The following GFPT2 variants were observed in gnomAD, a reference collection of about 807,000 sequenced individuals.
The protein encoded by GFPT2 is glutamine--fructose-6-phosphate transaminase 2.
A neutral mutation model predicts 85.6 loss-of-function variants in GFPT2; 62 were observed. That is an observed-to-expected ratio of 0.72 (90% confidence interval 0.59 to 0.90). The LOEUF (loss-of-function observed/expected upper bound fraction) is 0.90. Among genes scored for constraint, GFPT2 ranks in the 40% least tolerant of loss-of-function variants. The pLI is 0.00. For missense variants in GFPT2, 788 were observed against 893.4 expected (o/e 0.88, Z 1.50); for synonymous variants, 368 against 344.5 (o/e 1.07, Z -0.75).
rs1764252569 is a variant in GFPT2 at position 180,328,581 on chromosome 5, C to T, written c.535-243G>A. ...CCACGGTGAGCGATGTGCGGCTTGC[C>T]CAGGCCCACAGGGAGCCCGGCAGGG... On this transcript the variant is annotated intron_variant, in intron 6 of 18. Transcript: ENST00000253778. This position sits in a 1 kb window ranked among gnomAD's most constrained non-coding sequence, Gnocchi z 5.4. Among the ~76,000 whole-genome samples the T allele has an allele frequency of 6.6e-6, 1 of 152,228 alleles. No individual in the cohort carries two copies. The highest frequency in any genetic ancestry group is 1.5e-5 in the Non-Finnish European group (1 of 68,038).
At position 180,339,177 on chromosome 5, in the gene GFPT2, C is replaced by G. The variant is rs572979649; in HGVS notation, c.8-577G>C. Among the ~76,000 whole-genome samples, 5 of 152,146 alleles carry G rather than the reference C, an allele frequency of 3.3e-5. No individual in the cohort carries two copies. In the East Asian group the frequency reaches 9.7e-4, roughly 29 times the overall value. On this transcript the variant is annotated intron_variant, in intron 1 of 18. Coordinates refer to ENST00000253778, the MANE Select transcript of GFPT2 (RefSeq NM_005110.4). ...GGTGGATCACCTGAGGTCAGGAGTT[C>G]GAGACCAGCCTGGCCAACATGGTGA...
At chr5:180,332,452 C>G (rs1469857281) in intron 4 of GFPT2, among the ~76,000 whole-genome samples, 2 of 152,182 alleles carry the variant, frequency 1.3e-5, no homozygotes, top group African/African-American at 4.8e-5. Context: ...AATAATTCCA[C>G]CAGGAGGTGT....
chr5:180,348,805 G>A (rs1161879662), intron 1 of GFPT2, among the ~76,000 whole-genome samples: 1 of 150,500 alleles, frequency 6.6e-6, no homozygotes, highest in Non-Finnish European at 1.5e-5. Context: ...GTAGTGGCAC[G>A]ATCTCGGCTC....
intron 17 of GFPT2, among the ~76,000 whole-genome samples, chr5:180,303,192 T>C (rs995652937): frequency 3.7e-4 from 55 of 147,280 alleles, no homozygotes; most frequent in Middle Eastern, 3.6e-3. Flanking sequence ...ATGGCGCCAC[T>C]GCACTCCAGC....
chr5:180,338,952 A>T (rs1764456918), intron 1 of GFPT2, among the ~76,000 whole-genome samples: 1 of 152,098 alleles, frequency 6.6e-6, no homozygotes. Flanking sequence ...ACCTCCATGC[A>T]CTCCCTGATT....
In GFPT2 at chr5:180,353,258, T is replaced by C. The variant is rs536060057; in HGVS notation, c.-41A>G. ...GGCTCCTTCGCGGCTCGAGGGGGTC[T>C]GCCCGTTCGGACGCTGGGGCTCCTC... On this transcript the variant is annotated 5_prime_UTR_variant, in exon 1 of 19. Transcript: ENST00000253778. The C allele has an allele frequency of 2.4e-6, 3 of 1,239,736 alleles. No individual in the cohort carries two copies. The highest frequency in any genetic ancestry group is 3.0e-6 in the Non-Finnish European group (3 of 987,934). 76.8% of individuals were successfully genotyped at this position (1,239,736 alleles called of 1,614,324 possible). A position where few individuals can be genotyped will look rare whatever the true frequency, so the allele number is the denominator to read the frequency against.
chr5:180,349,407 T>C (rs1764668085), intron 1 of GFPT2, among the ~76,000 whole-genome samples: 1 of 152,238 alleles, frequency 6.6e-6, no homozygotes, highest in African/African-American at 2.4e-5. Flanking sequence ...AATCACTCTT[T>C]ATAAGCTAAT....
chr5:180,334,716 A>T (rs559031556), intron 4 of GFPT2, among the ~76,000 whole-genome samples: 3 of 152,140 alleles, frequency 2.0e-5, no homozygotes, highest in Non-Finnish European at 4.4e-5. Context: ...TGGGGGCTTC[A>T]GGGGCTCGTG....
rs751315325 is a variant in GFPT2 at position 180,317,105 on chromosome 5, T to A, written c.959-47A>T. 5 of 1,163,172 alleles carry A rather than the reference T, an allele frequency of 4.3e-6. No homozygotes were observed. In the South Asian group the frequency reaches 6.1e-5, roughly 14 times the overall value. 72.1% of individuals were successfully genotyped at this position (1,163,172 alleles called of 1,614,324 possible). Reference sequence around the variant, plus strand: ...CAGTTTTAATTTCATTATATTTCACTGCTTTTCATTATGCAGCAGCGATAG... The same window carrying A: ...CAGTTTTAATTTCATTATATTTCACAGCTTTTCATTATGCAGCAGCGATAG... On this transcript the variant is annotated intron_variant, in intron 10 of 18. Transcript: ENST00000253778.
At position 180,330,274 on chromosome 5, in the gene GFPT2, A is replaced by G. The variant is rs900554984; in HGVS notation, c.534+426T>C. 6.6e-6 allele frequency among the ~76,000 whole-genome samples: 1 copy of G among 152,148 alleles called. No homozygotes were observed. Among genetic ancestry groups the G allele is most frequent in the African/African-American group, 2.4e-5 (1 of 41,422 alleles). On this transcript the variant is annotated intron_variant, in intron 6 of 18. Transcript: ENST00000253778. This position sits in a 1 kb window ranked among gnomAD's most constrained non-coding sequence, Gnocchi z 4.4. ...GAGGTGGAGGTTGCAGTGAGCCAAG[A>G]TCACACCACTGCACTCCAGCCTGTG...
intron 1 of GFPT2, among the ~76,000 whole-genome samples, chr5:180,340,575 C>G (rs9686362): frequency 0.068 from 9,644 of 142,026 alleles, 452 homozygotes; most frequent in African/African-American, 0.13. Context: ...GCAGTGGTGC[C>G]ATCCTGGCTC....
rs544774866 is a variant in GFPT2 at position 180,328,710 on chromosome 5, G to A, written c.535-372C>T. ...CAGCACCTACTCAGCAAGCCCCTGT[G>A]AAGTGCACTTTAGCTCAACACACGG... On this transcript the variant is annotated intron_variant, in intron 6 of 18. Transcript: ENST00000253778. The surrounding 1 kb of genome is among the most constrained non-coding windows in gnomAD (Gnocchi z 5.4). 3.3e-5 allele frequency among the ~76,000 whole-genome samples: 5 copies of A among 152,334 alleles called. No individual in the cohort carries two copies. The East Asian group carries it at 9.6e-4, about 29-fold the overall frequency.
At chr5:180,337,226 G>A (rs1453939331) in intron 2 of GFPT2, among the ~76,000 whole-genome samples, 12 of 152,268 alleles carry the variant, frequency 7.9e-5, no homozygotes, top group African/African-American at 2.4e-4. Context: ...AGGCCAGGGC[G>A]GGTGGATCAC....
chr5:180,339,376 C>T (rs1764465250), intron 1 of GFPT2, among the ~76,000 whole-genome samples: 1 of 98,384 alleles, frequency 1.0e-5, no homozygotes, highest in East Asian at 3.1e-4. Context: ...TAGACTCTGT[C>T]TCAAAAAAAA....
chr5:180,353,231 CG>C lies in GFPT2; in HGVS notation c.-15del. 8.1e-7 allele frequency: 1 copy of C among 1,241,574 alleles called. No individual in the cohort carries two copies. 76.9% of individuals were successfully genotyped at this position (1,241,574 alleles called of 1,614,324 possible). On this transcript the variant is annotated 5_prime_UTR_variant, in exon 1 of 19. Transcript: ENST00000253778. ...CTCACCGCACATCGTGGCTGCTTCT[CG>C]GGCTCCTTCGCGGCTCGAGGGGGTC... is the stretch of plus-strand genomic sequence containing the variant.
rs573918614 is a variant in GFPT2 at position 180,333,352 on chromosome 5, C to A, written c.341-1799G>T. Among the ~76,000 whole-genome samples the A allele has an allele frequency of 3.3e-5, 5 of 152,138 alleles. No individual in the cohort carries two copies. In the South Asian group the frequency reaches 8.3e-4, roughly 25 times the overall value. On this transcript the variant is annotated intron_variant, in intron 4 of 18. Transcript: ENST00000253778. Reference sequence around the variant, plus strand: ...CAGGTTCACGCCATTCTCCTGCCTCCGCCTCCCGAGTAGCTGGGACCACAG... The same window carrying A: ...CAGGTTCACGCCATTCTCCTGCCTCAGCCTCCCGAGTAGCTGGGACCACAG...
Position 180,301,517 on chromosome 5 carries a change from T to C in GFPT2, c.*47A>G, listed in dbSNP as rs998556735. ...GTAGCATCCCTGCTGTTGGGACAGGTCTGGAATCAGATGAAAGGTGGTGAT... is the reference window on the plus strand; with the variant it reads ...GTAGCATCCCTGCTGTTGGGACAGGCCTGGAATCAGATGAAAGGTGGTGAT... On this transcript the variant is annotated 3_prime_UTR_variant, in exon 19 of 19. Coordinates refer to ENST00000253778, the MANE Select transcript of GFPT2 (RefSeq NM_005110.4). The C allele has an allele frequency of 4.0e-6, 6 of 1,485,838 alleles. No homozygotes were observed. In the Admixed American group the frequency reaches 6.7e-5, roughly 17 times the overall value. The allele number at this position is 1,485,838 out of a possible 1,614,324, so 92.0% of individuals were successfully genotyped here.
intron 14 of GFPT2, among the ~76,000 whole-genome samples, chr5:180,313,594 AAAAT>A (rs1561874041): frequency 6.7e-6 from 1 of 150,284 alleles, no homozygotes; most frequent in Non-Finnish European, 1.5e-5. Flanking sequence ...CGTCTCAAAA[AAAAT>A]AAATAAATAA....
intron 12 of GFPT2, 125 bp from the exon 13 acceptor site, chr5:180,316,586 C>T (rs1164630750): frequency 6.4e-6 from 7 of 1,096,520 alleles, no homozygotes; most frequent in Admixed American, 4.0e-5. Context: ...GAGGGGACTT[C>T]GGTCACCCAC....
Sources: allele counts gnomAD v4.1 joint callset (sites outside exome capture counted in the v4.1 genomes callset), GRCh38; gene constraint gnomAD v4.1.1; non-coding constraint Gnocchi (gnomAD v3.1); transcripts MANE v1.5; gene names NCBI Gene and HGNC (gene_info 2026-07-23, HGNC 2026-07-21).